CCSER1: variants seen among roughly 807,000 people sequenced by gnomAD.
The protein encoded by CCSER1 is coiled-coil serine rich protein 1, also known as serine-rich coiled-coil domain-containing protein 1.
In CCSER1, 41 loss-of-function variants were observed where a neutral mutation model predicts 82.0. That is an observed-to-expected ratio of 0.50 (90% confidence interval 0.39 to 0.65). The LOEUF (loss-of-function observed/expected upper bound fraction) is 0.65, where lower values mean the gene tolerates loss of function less well. Ranked by LOEUF, CCSER1 falls within the 30% of genes least tolerant of loss-of-function variation. The probability of loss-of-function intolerance (pLI) is 0.00; values close to 1 mark genes in which losing one functional copy is unlikely to be tolerated. For synonymous variants in CCSER1, 414 were observed against 383.9 expected (o/e 1.08, Z -0.92); for missense variants, 1,119 against 1,064.2 (o/e 1.05, Z -0.72).
chr4:91,446,850 G>T (rs1346634327), intron 10 of CCSER1, among the ~76,000 whole-genome samples: 2 of 151,696 alleles, frequency 1.3e-5, no homozygotes, highest in Non-Finnish European at 2.9e-5. Context: ...TCTACAGCAG[G>T]TATTTATTAT....
intron 5 of CCSER1, among the ~76,000 whole-genome samples, chr4:90,476,162 A>G (rs924457334): frequency 5.3e-5 from 8 of 152,016 alleles, no homozygotes; most frequent in Admixed American, 3.9e-4. Context: ...AGATCTGGGC[A>G]CTCAGGATTC....
At chr4:91,090,080 C>T (rs186216984) in intron 10 of CCSER1, among the ~76,000 whole-genome samples, 1 of 152,296 alleles carries the variant, frequency 6.6e-6, no homozygotes, top group East Asian at 1.9e-4. Context: ...GGTCCGATAT[C>T]CCCATGAGCC....
intron 10 of CCSER1, among the ~76,000 whole-genome samples, chr4:91,243,379 G>T (rs887378085): frequency 1.3e-5 from 2 of 152,194 alleles, no homozygotes; most frequent in Non-Finnish European, 2.9e-5. Flanking sequence ...GCTAGTCTGG[G>T]ATTAGAGCCA....
At chr4:90,780,839 A>C in intron 7 of CCSER1, 6 of 1,010,512 alleles carry the variant, frequency 5.9e-6, no homozygotes, top group Non-Finnish European at 7.1e-6. Flanking sequence ...TCAGTGTATT[A>C]GGCTGTTCTT....
intron 1 of CCSER1, among the ~76,000 whole-genome samples, chr4:90,184,150 C>T (rs10516865): frequency 2.6e-4 from 39 of 151,872 alleles, no homozygotes; most frequent in Middle Eastern, 3.4e-3. Flanking sequence ...TGCCATGGCT[C>T]GAAAGTGACA....
At chr4:90,548,101 A>G (rs1250651523) in intron 5 of CCSER1, among the ~76,000 whole-genome samples, 1 of 152,120 alleles carries the variant, frequency 6.6e-6, no homozygotes. Context: ...GACAAGGGCA[A>G]TCATTCTGGG....
intron 4 of CCSER1, among the ~76,000 whole-genome samples, chr4:90,453,933 G>A (rs540190323): frequency 1.3e-5 from 2 of 152,276 alleles, no homozygotes; most frequent in Admixed American, 6.5e-5. Flanking sequence ...TGTAATGGTG[G>A]TCTGGACCAC....
At chr4:90,561,935 C>A (rs1650553566) in intron 5 of CCSER1, among the ~76,000 whole-genome samples, 1 of 152,030 alleles carries the variant, frequency 6.6e-6, no homozygotes, top group Non-Finnish European at 1.5e-5. Context: ...CACCTGTAAT[C>A]CCAGCACTTT....
intron 3 of CCSER1, among the ~76,000 whole-genome samples, chr4:90,388,915 C>T (rs976133561): frequency 1.3e-5 from 2 of 152,180 alleles, no homozygotes; most frequent in East Asian, 1.9e-4. Flanking sequence ...GGAGTACAGG[C>T]GTGAACCACC....
intron 1 of CCSER1, among the ~76,000 whole-genome samples, chr4:90,207,998 AT>A (rs1380078858): frequency 6.6e-6 from 1 of 152,138 alleles, no homozygotes; most frequent in Non-Finnish European, 1.5e-5. Flanking sequence ...TTAGGAAGCA[AT>A]CTGTCCCTTA....
At chr4:91,234,977 G>A (rs1318893423) in intron 10 of CCSER1, among the ~76,000 whole-genome samples, 2 of 151,792 alleles carry the variant, frequency 1.3e-5, no homozygotes, top group Non-Finnish European at 2.9e-5. Flanking sequence ...ATAGCCTAGA[G>A]GTTAAGAGTG....
In CCSER1 at chr4:90,870,878, TG is replaced by T. The variant is rs541818772; in HGVS notation, c.2095-52490del. ...ATGGCTTAAATCTCATTACTTGTTA[TG>T]GTCTATTCAGATTTTGGTTTTCTTT... On this transcript the variant is annotated intron_variant, in intron 8 of 10. Transcript: ENST00000509176. Among the ~76,000 whole-genome samples the T allele has an allele frequency of 6.4e-3, 957 of 150,324 alleles. 5 individuals carry two copies. The highest frequency in any genetic ancestry group is 0.011 in the Non-Finnish European group (741 of 67,266).
At chr4:90,775,388 T>A (rs1752763112) in intron 7 of CCSER1, among the ~76,000 whole-genome samples, 1 of 152,212 alleles carries the variant, frequency 6.6e-6, no homozygotes, top group Admixed American at 6.5e-5. Context: ...GTAACATAGA[T>A]GTATTGTTCT....
At chr4:90,560,085 T>G (rs6845910) in intron 5 of CCSER1, among the ~76,000 whole-genome samples, 14,666 of 152,012 alleles carry the variant, frequency 0.096, 1,409 homozygotes, top group African/African-American at 0.25. Flanking sequence ...ATAAAAAGAA[T>G]TTGCATATCA....
intron 9 of CCSER1, among the ~76,000 whole-genome samples, chr4:90,970,063 C>T (rs1233041408): frequency 6.6e-6 from 1 of 151,378 alleles, no homozygotes; most frequent in African/African-American, 2.4e-5. Flanking sequence ...GCAAAATGTT[C>T]AGAACAACAA....
chr4:91,463,860 G>T (rs1037985200), intron 10 of CCSER1, among the ~76,000 whole-genome samples: 4 of 152,194 alleles, frequency 2.6e-5, no homozygotes, highest in Admixed American at 2.6e-4. Flanking sequence ...TATGTGAAAA[G>T]ACCAAATCTA....
At chr4:90,699,397 G>A (rs910696362) in intron 6 of CCSER1, among the ~76,000 whole-genome samples, 2 of 152,114 alleles carry the variant, frequency 1.3e-5, no homozygotes, top group African/African-American at 4.8e-5. Context: ...CCTGGGAGGT[G>A]AAGGTTACAG....
At chr4:91,003,169 C>A (rs1738193619) in intron 9 of CCSER1, among the ~76,000 whole-genome samples, 1 of 152,130 alleles carries the variant, frequency 6.6e-6, no homozygotes, top group Non-Finnish European at 1.5e-5. Flanking sequence ...GTGAAATGGA[C>A]TCTGTGAGGG....
intron 7 of CCSER1, among the ~76,000 whole-genome samples, chr4:90,766,499 C>A (rs557626148): frequency 4.0e-5 from 6 of 151,800 alleles, no homozygotes; most frequent in African/African-American, 1.5e-4. Context: ...AATCATTGGC[C>A]AGGCCTGGTG....
Sources: allele counts gnomAD v4.1 joint callset (sites outside exome capture counted in the v4.1 genomes callset), GRCh38; gene constraint gnomAD v4.1.1; transcripts MANE v1.5; gene names NCBI Gene and HGNC (gene_info 2026-07-23, HGNC 2026-07-21).